Variants in ARHGAP12 observed in about 807,000 individuals in gnomAD.
ARHGAP12 encodes the protein rho GTPase-activating protein 12.
ARHGAP12 carries 64 observed loss-of-function variants against 108.6 expected under a neutral mutation model. That is an observed-to-expected ratio of 0.59 (90% CI 0.48 to 0.73). ARHGAP12 has a LOEUF of 0.73. Among genes scored for constraint, ARHGAP12 ranks in the 30% least tolerant of loss-of-function variants. The pLI, the probability that ARHGAP12 is intolerant of heterozygous loss-of-function variation, is 0.00. For synonymous variants in ARHGAP12, 312 were observed against 337.2 expected (o/e 0.93, Z 0.82); for missense variants, 940 against 1,005.9 (o/e 0.93, Z 0.89).
chr10:31,834,560 C>T (rs968754642), intron 9 of ARHGAP12, among the ~76,000 whole-genome samples: 1 of 152,130 alleles, frequency 6.6e-6, no homozygotes, highest in Non-Finnish European at 1.5e-5. Flanking sequence ...TTTTGCTATA[C>T]CAGCCCCAAT....
intron 6 of ARHGAP12, among the ~76,000 whole-genome samples, chr10:31,848,311 ATT>A (rs971845532): frequency 4.6e-5 from 7 of 152,076 alleles, no homozygotes; most frequent in African/African-American, 1.7e-4. Flanking sequence ...GGCTTTTAAG[ATT>A]GTCTCCTGGG....
At chr10:31,925,345 A>C (rs1319878334) in intron 1 of ARHGAP12, among the ~76,000 whole-genome samples, 1 of 152,224 alleles carries the variant, frequency 6.6e-6, no homozygotes, top group Non-Finnish European at 1.5e-5. Flanking sequence ...CTTTTCTAAA[A>C]ATAAACTTCT....
At chr10:31,920,508 G>A (rs1328817378) in intron 1 of ARHGAP12, among the ~76,000 whole-genome samples, 1 of 141,472 alleles carries the variant, frequency 7.1e-6, no homozygotes, top group Admixed American at 7.1e-5. Context: ...GCATACAAAT[G>A]ATGAACTATT....
intron 9 of ARHGAP12, among the ~76,000 whole-genome samples, chr10:31,833,641 G>A (rs998750343): frequency 2.2e-4 from 34 of 152,106 alleles, no homozygotes; most frequent in Non-Finnish European, 3.8e-4. Flanking sequence ...CACCCAAAAC[G>A]TACAAATACA....
chr10:31,853,475 T>G (rs1836773530), intron 5 of ARHGAP12, among the ~76,000 whole-genome samples: 1 of 152,200 alleles, frequency 6.6e-6, no homozygotes, highest in South Asian at 2.1e-4. Context: ...AAAAAACTGC[T>G]TCCGTATGTT....
intron 3 of ARHGAP12, among the ~76,000 whole-genome samples, chr10:31,883,083 G>A (rs780384766): frequency 3.3e-5 from 5 of 152,018 alleles, no homozygotes; most frequent in Non-Finnish European, 7.4e-5. Context: ...ATTATCTGAG[G>A]TCGGGAGTTT....
intron 6 of ARHGAP12, among the ~76,000 whole-genome samples, chr10:31,851,644 G>C (rs1836682792): frequency 6.6e-6 from 1 of 152,044 alleles, no homozygotes; most frequent in Non-Finnish European, 1.5e-5. Context: ...ATAATGAAAG[G>C]CCAGATAGCA....
chr10:31,923,603 G>C lies in ARHGAP12; in HGVS notation c.-111+5080C>G, dbSNP rs74127882. Among the ~76,000 whole-genome samples, 609 of 152,246 alleles carry C rather than the reference G, an allele frequency of 4.0e-3. 2 individuals carry two copies. The highest frequency in any genetic ancestry group is 0.014 in the African/African-American group (592 of 41,532). On this transcript the variant is annotated intron_variant, in intron 1 of 19. Transcript: ENST00000344936. The stretch of plus-strand genomic sequence containing the variant: ...ATGGAATATCACTCAGCAATAAAAA[G>C]GAACGAACTGTTGATACACACAGCA...
chr10:31,825,858 C>G (rs1279441394), intron 11 of ARHGAP12, among the ~76,000 whole-genome samples: 2 of 152,118 alleles, frequency 1.3e-5, no homozygotes, highest in Non-Finnish European at 2.9e-5. Flanking sequence ...CTTTTGAAAG[C>G]TGGCTGACAA....
chr10:31,838,910 G>A (rs974773889), intron 9 of ARHGAP12, among the ~76,000 whole-genome samples: 25 of 151,996 alleles, frequency 1.6e-4, no homozygotes, highest in South Asian at 2.1e-4. Flanking sequence ...GCTGAGACGG[G>A]AGAATCACCT....
intron 3 of ARHGAP12, among the ~76,000 whole-genome samples, chr10:31,892,957 C>T (rs994833281): frequency 2.6e-5 from 4 of 152,188 alleles, no homozygotes; most frequent in Admixed American, 6.5e-5. Context: ...CACTGAAAAC[C>T]GCTCAACTAC....
intron 3 of ARHGAP12, among the ~76,000 whole-genome samples, chr10:31,862,698 A>G (rs941940102): frequency 3.9e-5 from 2 of 50,928 alleles, no homozygotes; most frequent in South Asian, 7.5e-4. Context: ...TGGCGCATGC[A>G]CACACAGACA....
chr10:31,886,130 T>G (rs925412416), intron 3 of ARHGAP12, among the ~76,000 whole-genome samples: 1 of 152,218 alleles, frequency 6.6e-6, no homozygotes, highest in Non-Finnish European at 1.5e-5. Context: ...CTAAAGATAT[T>G]CTATGCACAG....
chr10:31,826,280 T>C, intron 11 of ARHGAP12, 24 bp downstream of exon 11: 1 of 1,567,824 alleles, frequency 6.4e-7, no homozygotes, highest in Non-Finnish European at 8.7e-7. Flanking sequence ...ATGTATAAAA[T>C]CTCCAAAGAG....
At position 31,831,724 on chromosome 10, in the gene ARHGAP12, G is replaced by C; in HGVS notation, c.1448+15C>G. ...AGATGAATCATGTAAGAACATTAAA[G>C]ACTTGTGTACTTACCGAACCTTTTT... is the stretch of plus-strand genomic sequence containing the variant. On this transcript the variant is annotated intron_variant, in intron 10 of 19. Coordinates refer to ENST00000344936, the MANE Select transcript of ARHGAP12 (RefSeq NM_018287.7). 6.6e-7 allele frequency: 1 copy of C among 1,516,718 alleles called. No homozygotes were observed. The highest frequency in any genetic ancestry group is 9.1e-7 in the Non-Finnish European group (1 of 1,103,408). 94.0% of individuals were successfully genotyped at this position (1,516,718 alleles called of 1,614,324 possible). A position where few individuals can be genotyped will look rare whatever the true frequency, so the allele number is the denominator to read the frequency against.
In ARHGAP12 at chr10:31,839,314, G is replaced by A. The variant is rs771310221; in HGVS notation, c.1377C>T (p.Ser459=). 27 of 1,610,268 alleles carry A rather than the reference G, an allele frequency of 1.7e-5. No individual in the cohort carries two copies. The South Asian group carries it at 2.7e-4, about 16-fold the overall frequency. The change falls in exon 9 of 20, where the codon AGC becomes AGT. Residue 459 remains serine (S), a synonymous_variant. Transcript: ENST00000344936. ...GAGGATTGCTTCTTACCTTTGGACTGCTGGCCTGAGGAAAAAAAGAGTAAA... is the reference window on the plus strand; with the variant it reads ...GAGGATTGCTTCTTACCTTTGGACTACTGGCCTGAGGAAAAAAAGAGTAAA... ...PSSPKHQDTA[S]SPKDQEKYGL...
chr10:31,831,826 T>C (rs941868379), intron 9 of ARHGAP12, 26 bp from the exon 10 acceptor site: 3 of 1,421,628 alleles, frequency 2.1e-6, no homozygotes, highest in African/African-American at 2.9e-5. Context: ...ATACTGTTTA[T>C]ACAATCACAT....
At chr10:31,919,808 C>A (rs1356681581) in intron 1 of ARHGAP12, among the ~76,000 whole-genome samples, 2 of 139,968 alleles carry the variant, frequency 1.4e-5, no homozygotes, top group Non-Finnish European at 3.1e-5. Flanking sequence ...AAAAACAAAA[C>A]CAAAAAAAAC....
chr10:31,864,795 T>C lies in ARHGAP12; in HGVS notation c.685-3137A>G, dbSNP rs573209900. 1.5e-4 allele frequency among the ~76,000 whole-genome samples: 23 copies of C among 152,292 alleles called. No homozygotes were observed. In the South Asian group the frequency reaches 4.6e-3, roughly 30 times the overall value. On this transcript the variant is annotated intron_variant, in intron 3 of 19. Coordinates refer to ENST00000344936, the MANE Select transcript of ARHGAP12 (RefSeq NM_018287.7). Reference sequence around the variant, plus strand: ...TTGAGCATCATGTACTCAAGCTAGGTGATTAGGCTACAAATTATGAATTTA... The same window carrying C: ...TTGAGCATCATGTACTCAAGCTAGGCGATTAGGCTACAAATTATGAATTTA...
Sources: gnomAD v4.1 joint callset for allele counts (sites outside exome capture counted in the v4.1 genomes callset) on GRCh38, gnomAD v4.1.1 for gene constraint, MANE v1.5 for transcripts, NCBI Gene and HGNC (gene_info 2026-07-23, HGNC 2026-07-21) for gene names.